ATG4C: variants seen among roughly 807,000 people sequenced by gnomAD.
ATG4C encodes the protein autophagy related 4C cysteine peptidase, also known as cysteine protease ATG4C.
ATG4C carries 56 observed loss-of-function variants against 57.6 expected under a neutral mutation model. That is an observed-to-expected ratio of 0.97 (90% CI 0.78 to 1.21). ATG4C has a LOEUF of 1.21. ATG4C is among the 50% of genes most tolerant of loss of function. ATG4C has a pLI of 0.00. For synonymous variants in ATG4C, 157 were observed against 174.1 expected, an observed-to-expected ratio of 0.90 and a Z score of 0.78; for missense variants, 595 against 529.8, an observed-to-expected ratio of 1.12 and a Z score of -1.21.
intron 1 of ATG4C, among the ~76,000 whole-genome samples, chr1:62,791,001 GT>G (rs1022341089): frequency 6.6e-6 from 1 of 152,120 alleles, no homozygotes; most frequent in Non-Finnish European, 1.5e-5. Flanking sequence ...AAAGATTTAT[GT>G]TTTTTGTTAA....
chr1:62,844,028 G>A (rs1048604557), intron 10 of ATG4C, among the ~76,000 whole-genome samples: 1 of 152,110 alleles, frequency 6.6e-6, no homozygotes, highest in Non-Finnish European at 1.5e-5. Flanking sequence ...GGAAAGAGAA[G>A]GTTACTTCAA....
At chr1:62,863,168 GGTT>G (rs1178263668) in intron 10 of ATG4C, among the ~76,000 whole-genome samples, 1 of 151,802 alleles carries the variant, frequency 6.6e-6, no homozygotes, top group Non-Finnish European at 1.5e-5. Flanking sequence ...GGGCTATAAA[GGTT>G]GTGAATATCC....
rs1471054539 is a variant in ATG4C at position 62,845,545 on chromosome 1, T to C, written c.1209+3998T>C. ...GCTATTTTTACTTGTTAATTGTGTCTTTAATTTTAATATAGTCAAATTAAT... is the reference window on the plus strand; with the variant it reads ...GCTATTTTTACTTGTTAATTGTGTCCTTAATTTTAATATAGTCAAATTAAT... On this transcript the variant is annotated intron_variant, in intron 10 of 10. Transcript: ENST00000317868. Among the ~76,000 whole-genome samples, 6 of 152,300 alleles carry C rather than the reference T, an allele frequency of 3.9e-5. No individual in the cohort carries two copies. In the East Asian group the frequency reaches 1.2e-3, roughly 29 times the overall value.
intron 6 of ATG4C, among the ~76,000 whole-genome samples, chr1:62,823,574 C>T (rs1665554353): frequency 6.6e-6 from 1 of 152,140 alleles, no homozygotes; most frequent in Admixed American, 6.6e-5. Context: ...TGATCATGTC[C>T]CTTTATCTAC....
chr1:62,846,685 C>T (rs1666333924), intron 10 of ATG4C, among the ~76,000 whole-genome samples: 1 of 152,154 alleles, frequency 6.6e-6, no homozygotes, highest in South Asian at 2.1e-4. Context: ...TCCCTTCTCT[C>T]TCTCACATCT....
intron 1 of ATG4C, among the ~76,000 whole-genome samples, chr1:62,795,384 C>T (rs917470890): frequency 6.6e-6 from 1 of 152,142 alleles, no homozygotes; most frequent in Non-Finnish European, 1.5e-5. Flanking sequence ...GGGTCTCAAT[C>T]GATAATTTTC....
intron 3 of ATG4C, among the ~76,000 whole-genome samples, chr1:62,808,356 A>C (rs956063318): frequency 4.6e-5 from 7 of 152,082 alleles, no homozygotes; most frequent in Non-Finnish European, 2.9e-5. Flanking sequence ...AGGAAGCCTG[A>C]ATTTTAGGGG....
chr1:62,861,764 T>A (rs1333736), intron 10 of ATG4C, among the ~76,000 whole-genome samples: 68,634 of 151,966 alleles, frequency 0.45, 15,622 homozygotes, highest in East Asian at 0.67. Context: ...GCTTTATATC[T>A]TTTTTAAGGA....
At chr1:62,858,292 G>C (rs776982436) in intron 10 of ATG4C, among the ~76,000 whole-genome samples, 82 of 152,210 alleles carry the variant, frequency 5.4e-4, no homozygotes, top group Non-Finnish European at 8.7e-4. Context: ...TGATGTTGCA[G>C]TCATGCCTCC....
At chr1:62,824,233 T>C (rs1013317209) in intron 6 of ATG4C, among the ~76,000 whole-genome samples, 1 of 152,142 alleles carries the variant, frequency 6.6e-6, no homozygotes, top group Non-Finnish European at 1.5e-5. Flanking sequence ...GTAGAACACA[T>C]AAATAAATTG....
chr1:62,812,989 A>C (rs1236155945), intron 3 of ATG4C, among the ~76,000 whole-genome samples: 1 of 152,206 alleles, frequency 6.6e-6, no homozygotes, highest in Non-Finnish European at 1.5e-5. Context: ...AACAAATGGA[A>C]AAACATTCCA....
intron 7 of ATG4C, among the ~76,000 whole-genome samples, chr1:62,830,010 A>G (rs1418653535): frequency 6.6e-6 from 1 of 152,064 alleles, no homozygotes; most frequent in African/African-American, 2.4e-5. Flanking sequence ...GAGGCATCCC[A>G]TGTTATAGTC....
intron 10 of ATG4C, among the ~76,000 whole-genome samples, chr1:62,861,520 C>G (rs1019334053): frequency 2.6e-5 from 4 of 151,484 alleles, no homozygotes; most frequent in Non-Finnish European, 5.9e-5. Flanking sequence ...CCACTGCACT[C>G]CAGCCTGGAC....
At chr1:62,817,148 T>A (rs181707944) in intron 4 of ATG4C, among the ~76,000 whole-genome samples, 197 of 152,296 alleles carry the variant, frequency 1.3e-3, no homozygotes, top group African/African-American at 4.5e-3. Context: ...AACTCTGGAT[T>A]ATCTCCAGTT....
intron 6 of ATG4C, among the ~76,000 whole-genome samples, chr1:62,826,516 G>T (rs556774844): frequency 6.6e-6 from 1 of 151,942 alleles, no homozygotes; most frequent in Non-Finnish European, 1.5e-5. Flanking sequence ...GATTACAGGC[G>T]TGAGCTACCA....
intron 3 of ATG4C, among the ~76,000 whole-genome samples, chr1:62,813,499 G>A (rs1050682156): frequency 6.6e-6 from 1 of 152,144 alleles, no homozygotes; most frequent in Non-Finnish European, 1.5e-5. Flanking sequence ...GAAAACCCTA[G>A]AAGAAAACCT....
At chr1:62,855,145 G>A (rs1666644590) in intron 10 of ATG4C, among the ~76,000 whole-genome samples, 1 of 152,066 alleles carries the variant, frequency 6.6e-6, no homozygotes, top group Non-Finnish European at 1.5e-5. Context: ...CTTGTTTTTA[G>A]TTTTGGGTCT....
At chr1:62,838,275 C>T (rs1159852164) in intron 9 of ATG4C, among the ~76,000 whole-genome samples, 1 of 151,806 alleles carries the variant, frequency 6.6e-6, no homozygotes, top group Non-Finnish European at 1.5e-5. Flanking sequence ...CCTTAAAGTG[C>T]GTTTGTCAAG....
At chr1:62,834,666 A>C in intron 8 of ATG4C, 110 bp from the exon 9 acceptor site, 1 of 773,948 alleles carries the variant, frequency 1.3e-6, no homozygotes, top group Admixed American at 2.3e-5. Flanking sequence ...TCAGTCTGGC[A>C]AGCTGTTACT....
Sources: gnomAD v4.1 joint callset for allele counts (sites outside exome capture counted in the v4.1 genomes callset) on GRCh38, gnomAD v4.1.1 for gene constraint, MANE v1.5 for transcripts, NCBI Gene and HGNC (gene_info 2026-07-23, HGNC 2026-07-21) for gene names.